Variants in MPHOSPH8 observed in about 807,000 individuals in gnomAD.
The protein encoded by MPHOSPH8 is M-phase phosphoprotein, mpp.
In MPHOSPH8, 45 loss-of-function variants were observed where a neutral mutation model predicts 87.3. The observed-to-expected ratio is 0.52, with a 90% confidence interval of 0.41 to 0.66. MPHOSPH8 has a LOEUF of 0.66. Ranked by LOEUF, MPHOSPH8 falls within the 30% of genes least tolerant of loss-of-function variation. MPHOSPH8 has a pLI of 0.00. For synonymous variants in MPHOSPH8, 366 were observed against 376.9 expected, an observed-to-expected ratio of 0.97 and a Z score of 0.33; for missense variants, 883 against 1,020.2, an observed-to-expected ratio of 0.87 and a Z score of 1.83.
At chr13:19,651,211 T>C (rs1874829058) in intron 5 of MPHOSPH8, among the ~76,000 whole-genome samples, 1 of 152,218 alleles carries the variant, frequency 6.6e-6, no homozygotes, top group Non-Finnish European at 1.5e-5. Context: ...AAGAATTCTA[T>C]GAGCAATTTC....
Position 19,670,220 on chromosome 13 carries a change from CAT to C in MPHOSPH8, c.2330-15_2330-14del, listed in dbSNP as rs776354601. ...GGTTGCCTTTGAAGTAATTCACACACATCTCCCATTTTCAGGCTCTGGCATCC... is the reference window on the plus strand; with the variant it reads ...GGTTGCCTTTGAAGTAATTCACACACCTCCCATTTTCAGGCTCTGGCATCC... On this transcript the variant is annotated splice_polypyrimidine_tract_variant and intron_variant, in intron 11 of 13. Coordinates refer to ENST00000361479, the MANE Select transcript of MPHOSPH8 (RefSeq NM_017520.4). 1 of 1,613,928 alleles carries C rather than the reference CAT, an allele frequency of 6.2e-7. No individual in the cohort carries two copies. Among genetic ancestry groups the C allele is most frequent in the South Asian group, 1.1e-5 (1 of 91,070 alleles).
intron 10 of MPHOSPH8, among the ~76,000 whole-genome samples, 162 bp from the exon 11 acceptor site, chr13:19,668,215 C>T (rs1263778228): frequency 6.6e-6 from 1 of 152,190 alleles, no homozygotes; most frequent in Non-Finnish European, 1.5e-5. Context: ...AAGACAGACA[C>T]ATGGGTGTCA....
intron 10 of MPHOSPH8, 61 bp downstream of exon 10, chr13:19,666,640 ATAT>A: frequency 6.9e-7 from 1 of 1,448,250 alleles, no homozygotes; most frequent in East Asian, 2.3e-5. Flanking sequence ...TTATGTAGAC[ATAT>A]TATAATTGGA....
chr13:19,655,108 A>G (rs1409882520), intron 5 of MPHOSPH8, among the ~76,000 whole-genome samples: 2 of 152,240 alleles, frequency 1.3e-5, no homozygotes, highest in African/African-American at 2.4e-5. Context: ...TTGATTTAAT[A>G]GCATTCTTGA....
At chr13:19,656,055 C>T (rs865793866) in intron 5 of MPHOSPH8, among the ~76,000 whole-genome samples, 1 of 151,952 alleles carries the variant, frequency 6.6e-6, no homozygotes, top group African/African-American at 2.4e-5. Context: ...GAGACGAGAT[C>T]GCGCCATTGT....
chr13:19,666,515 C>T lies in MPHOSPH8; in HGVS notation c.2110C>T (p.Leu704=), dbSNP rs375803634. 205 of 1,607,710 alleles carry T rather than the reference C, an allele frequency of 1.3e-4. 1 individual carries two copies. The highest frequency in any genetic ancestry group is 1.7e-4 in the Non-Finnish European group (194 of 1,174,786). ...NILSKHQNSA[L]HFAKQSNNVL... is the part of the protein sequence containing the mutation. ...TTTGTCAAAGCACCAGAATAGTGCC[C>T]TGCACTTTGCGAAGCAGTCTAACAA... The change falls in exon 10 of 14, where the codon CTG becomes TTG. Residue 704 remains leucine (L), a synonymous_variant. Transcript: ENST00000361479.
At chr13:19,666,737 G>A (rs1875839312) in intron 10 of MPHOSPH8, among the ~76,000 whole-genome samples, 158 bp downstream of exon 10, 1 of 152,140 alleles carries the variant, frequency 6.6e-6, no homozygotes, top group Admixed American at 6.5e-5. Flanking sequence ...TTTAATAAAT[G>A]GCATATGAAT....
intron 1 of MPHOSPH8, among the ~76,000 whole-genome samples, chr13:19,637,240 A>G (rs1874056354): frequency 6.6e-6 from 1 of 152,170 alleles, no homozygotes; most frequent in Non-Finnish European, 1.5e-5. Flanking sequence ...CCTCCTCATC[A>G]ATTAGGTCAT....
chr13:19,670,370 T>A lies in MPHOSPH8; in HGVS notation c.2457+7T>A, dbSNP rs898332801. 4.3e-6 allele frequency: 7 copies of A among 1,613,208 alleles called. No homozygotes were observed. The highest frequency in any genetic ancestry group is 2.5e-6 in the Non-Finnish European group (3 of 1,179,364). Reference sequence around the variant, plus strand: ...TCAGCTTCCTGTTTTTCTGGTAAGATACTCTGTATTTCACTACTGAAAAGT... The same window carrying A: ...TCAGCTTCCTGTTTTTCTGGTAAGAAACTCTGTATTTCACTACTGAAAAGT... On this transcript the variant is annotated splice_region_variant and intron_variant, in intron 12 of 13. Transcript: ENST00000361479.
intron 5 of MPHOSPH8, among the ~76,000 whole-genome samples, chr13:19,652,929 G>A (rs114678390): frequency 0.02 from 2,972 of 152,296 alleles, 86 homozygotes; most frequent in African/African-American, 0.068. Flanking sequence ...GGCAGCCACA[G>A]TCAGGGTCTT....
At chr13:19,664,781 C>T (rs568077888) in intron 9 of MPHOSPH8, among the ~76,000 whole-genome samples, 2 of 151,564 alleles carry the variant, frequency 1.3e-5, no homozygotes, top group East Asian at 3.9e-4. Context: ...TAGATGTCAC[C>T]TCTGTACATT....
At chr13:19,657,423 G>A (rs1456106514) in intron 5 of MPHOSPH8, among the ~76,000 whole-genome samples, 4 of 148,928 alleles carry the variant, frequency 2.7e-5, no homozygotes, top group Non-Finnish European at 4.5e-5. Context: ...TTTTTTTTGC[G>A]CTTGAGCAAA....
chr13:19,636,641 A>G (rs1874024705), intron 1 of MPHOSPH8, among the ~76,000 whole-genome samples: 1 of 151,850 alleles, frequency 6.6e-6, no homozygotes, highest in African/African-American at 2.4e-5. Flanking sequence ...TACCATGACT[A>G]ATATTTTAAT....
chr13:19,663,215 A>G, intron 9 of MPHOSPH8, 89 bp downstream of exon 9: 1 of 1,162,652 alleles, frequency 8.6e-7, no homozygotes, highest in Non-Finnish European at 1.3e-6. Flanking sequence ...TGTGCTGGGG[A>G]CTGAGAACAG....
At chr13:19,643,581 T>C (rs1874412555) in intron 2 of MPHOSPH8, among the ~76,000 whole-genome samples, 1 of 152,216 alleles carries the variant, frequency 6.6e-6, no homozygotes, top group Non-Finnish European at 1.5e-5. Context: ...TACCATATAC[T>C]AATTTTGCCC....
chr13:19,639,544 C>T (rs927852827), intron 1 of MPHOSPH8, among the ~76,000 whole-genome samples: 64 of 151,866 alleles, frequency 4.2e-4, no homozygotes, highest in Admixed American at 7.2e-4. Context: ...CGCCTGACCT[C>T]GTGATCCACC....
intron 2 of MPHOSPH8, 138 bp downstream of exon 2, chr13:19,642,408 C>T: frequency 1.4e-6 from 1 of 701,228 alleles, no homozygotes; most frequent in Non-Finnish European, 2.1e-6. Flanking sequence ...GTAGCCAATT[C>T]TCACAGACTG....
In MPHOSPH8 at chr13:19,661,681, T is replaced by C; in HGVS notation, c.1792-17T>C. The C allele has an allele frequency of 1.3e-6, 2 of 1,570,590 alleles. No individual in the cohort carries two copies. The highest frequency in any genetic ancestry group is 1.7e-6 in the Non-Finnish European group (2 of 1,154,148). ...GACTAAAGATTAACACGTTTTTTAT[T>C]TAACAAACCAACACAGGATTCCAGT... is the stretch of plus-strand genomic sequence containing the variant. On this transcript the variant is annotated splice_polypyrimidine_tract_variant and intron_variant, in intron 7 of 13. Transcript: ENST00000361479.
In MPHOSPH8 at chr13:19,670,305, G is replaced by T; in HGVS notation, c.2399G>T (p.Gly800Val). 1 of 1,614,148 alleles carries T rather than the reference G, an allele frequency of 6.2e-7. No individual in the cohort carries two copies. The highest frequency in any genetic ancestry group is 1.1e-5 in the South Asian group (1 of 91,084). ...LGKEVIARLC[G>V]PCSVQAVVLN... ...AAAGAAGTTATTGCTCGGCTCTGTGGACCGTGTAGTGTACAAGCTGTAGTT... is the reference window on the plus strand; with the variant it reads ...AAAGAAGTTATTGCTCGGCTCTGTGTACCGTGTAGTGTACAAGCTGTAGTT... Residue 800 changes from glycine to valine, a missense_variant, in exon 12 of 14, where the codon GGA (glycine) becomes GTA (valine). This residue lies in a region of MPHOSPH8 where 741 missense variants were observed against 841.5 expected (regional missense o/e 0.88). Transcript: ENST00000361479.
Sources: gnomAD v4.1 joint callset for allele counts (sites outside exome capture counted in the v4.1 genomes callset) on GRCh38, gnomAD v4.1.1 for gene constraint, gnomAD v4.1.1 regional missense constraint, MANE v1.5 for transcripts, NCBI Gene and HGNC (gene_info 2026-07-23, HGNC 2026-07-21) for gene names.